Variants in EFR3B observed in about 807,000 individuals in gnomAD.
EFR3B encodes the protein protein EFR3 homolog B.
EFR3B carries 64 observed loss-of-function variants against 104.7 expected under a neutral mutation model. That is an observed-to-expected ratio of 0.61 (90% CI 0.50 to 0.75). The LOEUF is 0.75. Ranked by LOEUF, EFR3B falls within the 30% of genes least tolerant of loss-of-function variation. The pLI is 0.00. For missense variants in EFR3B, 750 were observed against 1,078.5 expected, an observed-to-expected ratio of 0.70 and a Z score of 4.27; for synonymous variants, 385 against 417.9, an observed-to-expected ratio of 0.92 and a Z score of 0.96.
intron 19 of EFR3B, among the ~76,000 whole-genome samples, chr2:25,148,685 G>C (rs112417008): frequency 2.0e-5 from 3 of 151,422 alleles, no homozygotes; most frequent in African/African-American, 7.3e-5. Context: ...CACTTTGGGA[G>C]GCCAAGGCAG....
intron 1 of EFR3B, chr2:25,080,377 C>T: frequency 1.8e-6 from 1 of 545,356 alleles, no homozygotes. Flanking sequence ...TCACTGCAAC[C>T]TCCGCCTCCC....
chr2:25,051,140 C>T (rs1014341628), intron 1 of EFR3B, among the ~76,000 whole-genome samples: 1 of 152,128 alleles, frequency 6.6e-6, no homozygotes, highest in Admixed American at 6.6e-5. Context: ...GAGACCAAGT[C>T]TCACTCTGTT....
chr2:25,146,724 T>C (rs1160682474), intron 19 of EFR3B: 3 of 152,294 alleles, frequency 2.0e-5, no homozygotes, highest in African/African-American at 7.2e-5. Flanking sequence ...CAGAGGTAGC[T>C]TGGTGGCAAA....
chr2:25,151,207 T>C (rs1050902510), intron 20 of EFR3B, among the ~76,000 whole-genome samples: 73 of 152,246 alleles, frequency 4.8e-4, no homozygotes, highest in African/African-American at 1.7e-3. Context: ...ACGTGTTTCA[T>C]GTTGGCTTTT....
chr2:25,102,591 GC>G (rs1482152422), intron 3 of EFR3B, among the ~76,000 whole-genome samples: 2 of 151,954 alleles, frequency 1.3e-5, no homozygotes, highest in Non-Finnish European at 2.9e-5. Context: ...GGGGAAAACC[GC>G]CCCCATGATT....
intron 1 of EFR3B, chr2:25,080,946 C>G (rs770545440): frequency 1.3e-6 from 1 of 763,418 alleles, no homozygotes; most frequent in Non-Finnish European, 2.4e-6. Context: ...CTGTTCAAGC[C>G]GGAGAGCTTG....
chr2:25,052,013 T>G (rs1463656378), intron 1 of EFR3B, among the ~76,000 whole-genome samples: 2 of 150,990 alleles, frequency 1.3e-5, no homozygotes, highest in African/African-American at 4.9e-5. Context: ...CTGGCCAAAA[T>G]GGTGAAACCC....
chr2:25,049,879 C>A (rs1043859689), intron 1 of EFR3B, among the ~76,000 whole-genome samples: 10 of 149,992 alleles, frequency 6.7e-5, no homozygotes, highest in South Asian at 2.1e-4. Context: ...CTTTGGAAGG[C>A]CGAGGTGGGT....
chr2:25,091,977 T>C (rs1357252910), intron 2 of EFR3B, among the ~76,000 whole-genome samples: 1 of 152,130 alleles, frequency 6.6e-6, no homozygotes. Context: ...CCTGTCTTGA[T>C]GGGAGCATCC....
chr2:25,135,714 T>C, intron 13 of EFR3B, 75 bp downstream of exon 13: 1 of 1,498,168 alleles, frequency 6.7e-7, no homozygotes, highest in Non-Finnish European at 9.0e-7. Context: ...CCTTTGGTCC[T>C]GTCCTCACAC....
intron 1 of EFR3B, chr2:25,081,023 A>G: frequency 1.3e-6 from 1 of 753,774 alleles, no homozygotes. Context: ...CAGCAGCAAC[A>G]TCTGCAATGT....
At chr2:25,127,493 ATCT>A (rs1309558625) in intron 5 of EFR3B, among the ~76,000 whole-genome samples, 2 of 152,332 alleles carry the variant, frequency 1.3e-5, no homozygotes, top group East Asian at 3.9e-4. Flanking sequence ...GTAGTGGTAA[ATCT>A]TCTCTTCTCT....
intron 1 of EFR3B, among the ~76,000 whole-genome samples, chr2:25,069,056 C>T (rs1668418523): frequency 1.3e-5 from 2 of 151,574 alleles, no homozygotes; most frequent in Admixed American, 1.3e-4. Context: ...GCCTCAGCCT[C>T]ACCACCACAC....
intron 1 of EFR3B, among the ~76,000 whole-genome samples, chr2:25,066,907 A>G (rs62143002): frequency 0.012 from 1,761 of 152,322 alleles, 24 homozygotes; most frequent in Middle Eastern, 0.017. Flanking sequence ...TGTGTGCTTT[A>G]ACTCCAAGAT....
At chr2:25,078,698 C>G (rs989806786) in intron 1 of EFR3B, among the ~76,000 whole-genome samples, 91 of 152,290 alleles carry the variant, frequency 6.0e-4, no homozygotes, top group African/African-American at 2.1e-3. Context: ...ATAACTTCGC[C>G]TGAACAAGCA....
chr2:25,142,127 C>G (rs535207670), intron 17 of EFR3B, among the ~76,000 whole-genome samples: 1 of 152,062 alleles, frequency 6.6e-6, no homozygotes, highest in Non-Finnish European at 1.5e-5. Flanking sequence ...AGCAAGAACC[C>G]ATCTCTACAA....
chr2:25,132,600 C>G (rs908606788), intron 10 of EFR3B, among the ~76,000 whole-genome samples: 5 of 151,802 alleles, frequency 3.3e-5, no homozygotes, highest in Middle Eastern at 6.3e-3. Flanking sequence ...CCCGACCCCC[C>G]GCTCCGCCCT....
rs1438707872 is a variant in EFR3B, at chr2:25,103,776, G to A, written c.352G>A (p.Gly118Ser). The A allele has an allele frequency of 3.9e-6, 6 of 1,551,274 alleles. No individual in the cohort carries two copies. The highest frequency in any genetic ancestry group is 1.2e-5 in the South Asian group (1 of 84,048). Reference sequence around the variant, plus strand: ...AGAGAAACCCAACCTGCAGATCCTCGGCACCAACTCGGTAAGGAGCGGCCC... The same window carrying A: ...AGAGAAACCCAACCTGCAGATCCTCAGCACCAACTCGGTAAGGAGCGGCCC... ...ESEKPNLQIL[G>S]TNSFVKFANI... is the part of the protein sequence containing the mutation. Residue 118 changes from glycine (G) to serine (S), a missense_variant, in exon 4 of 23, where the codon GGC (glycine) becomes AGC (serine). Physicochemically the swap from Gly to Ser is moderately conservative, Grantham distance 56 (BLOSUM62 0). Transcript: ENST00000403714.
intron 1 of EFR3B, among the ~76,000 whole-genome samples, chr2:25,056,275 C>T (rs1259003283): frequency 6.6e-6 from 1 of 152,182 alleles, no homozygotes; most frequent in Non-Finnish European, 1.5e-5. Flanking sequence ...CTCTGGCCTT[C>T]CTGCTGAAAC....
Sources: gnomAD v4.1 joint callset for allele counts (sites outside exome capture counted in the v4.1 genomes callset) on GRCh38, gnomAD v4.1.1 for gene constraint, MANE v1.5 for transcripts, NCBI Gene and HGNC (gene_info 2026-07-23, HGNC 2026-07-21) for gene names.